The following PPP1R14C variants were observed in gnomAD, a reference collection of about 807,000 sequenced individuals.
PPP1R14C encodes the protein protein phosphatase 1 regulatory inhibitor subunit 14C.
Under a neutral mutation model 20.4 loss-of-function variants are expected in PPP1R14C, and 16 were observed. That is an observed-to-expected ratio of 0.78 (90% CI 0.53 to 1.19). The LOEUF (loss-of-function observed/expected upper bound fraction) is 1.19, where lower values mean the gene tolerates loss of function less well. PPP1R14C is among the 50% of genes most tolerant of loss of function. The pLI, the probability that PPP1R14C is intolerant of heterozygous loss-of-function variation, is 0.00. For synonymous variants in PPP1R14C, 91 were observed against 91.0 expected (o/e 1.00, Z 0.00); for missense variants, 211 against 220.1 (o/e 0.96, Z 0.26).
chr6:150,214,566 G>T (rs926930), intron 1 of PPP1R14C, among the ~76,000 whole-genome samples, 178 bp from the exon 2 acceptor site: 10,486 of 144,862 alleles, frequency 0.072, 430 homozygotes, highest in East Asian at 0.17. Flanking sequence ...CCTTCATCCT[G>T]TTTCCCCTTT....
rs538748783 is a variant in PPP1R14C at position 150,250,308 on chromosome 6, C to G, written c.*1488C>G. Reference sequence around the variant, plus strand: ...ATGTATTTAATTTTGTATTGTTTACCAATGATTTATTTACAAGATATTTAC... The same window carrying G: ...ATGTATTTAATTTTGTATTGTTTACGAATGATTTATTTACAAGATATTTAC... On this transcript the variant is annotated 3_prime_UTR_variant, in exon 4 of 4. Coordinates refer to ENST00000361131, the MANE Select transcript of PPP1R14C (RefSeq NM_030949.3). 1 of 152,626 alleles carries G rather than the reference C, an allele frequency of 6.6e-6. No homozygotes were observed. Among genetic ancestry groups the G allele is most frequent in the East Asian group, 1.9e-4 (1 of 5,192 alleles). The allele number at this position is 152,626 out of a possible 1,614,324, so 9.5% of individuals were successfully genotyped here.
At chr6:150,209,574 ATGTT>A (rs1162403527) in intron 1 of PPP1R14C, among the ~76,000 whole-genome samples, 5 of 134,956 alleles carry the variant, frequency 3.7e-5, no homozygotes, top group African/African-American at 1.4e-4. Flanking sequence ...ATCTGTGTGT[ATGTT>A]TGTGTATATA....
rs186520059 is a variant in PPP1R14C at position 150,143,511 on chromosome 6, G to A, written c.306+13G>A. ...CTACGGCTGCGAGGTACCTGGGCGC[G>A]GGGCTGGGAGGGTCGGGGACCTCTC... is the stretch of plus-strand genomic sequence containing the variant. On this transcript the variant is annotated intron_variant, in intron 1 of 3. Transcript: ENST00000361131. This position sits in a 1 kb window ranked among gnomAD's most constrained non-coding sequence, Gnocchi z 5.6. 1.4e-4 allele frequency: 209 copies of A among 1,510,248 alleles called. No homozygotes were observed. Among genetic ancestry groups the A allele is most frequent in the East Asian group, 1.7e-4 (7 of 40,752 alleles). The allele number at this position is 1,510,248 out of a possible 1,614,324, so 93.6% of individuals were successfully genotyped here. A position where few individuals can be genotyped will look rare whatever the true frequency, so the allele number is the denominator to read the frequency against.
chr6:150,226,403 T>C (rs1778230744), intron 3 of PPP1R14C, among the ~76,000 whole-genome samples: 1 of 152,214 alleles, frequency 6.6e-6, no homozygotes, highest in Non-Finnish European at 1.5e-5. Context: ...GTTAGCCTAG[T>C]GGACATGGTA....
chr6:150,221,077 C>T (rs1431276320), intron 3 of PPP1R14C, among the ~76,000 whole-genome samples: 3 of 152,136 alleles, frequency 2.0e-5, no homozygotes, highest in South Asian at 4.1e-4. Context: ...TATCTGTTAA[C>T]GGGTCATTTC....
At chr6:150,236,302 C>T (rs1179088694) in intron 3 of PPP1R14C, among the ~76,000 whole-genome samples, 1 of 152,120 alleles carries the variant, frequency 6.6e-6, no homozygotes, top group African/African-American at 2.4e-5. Context: ...GAGTCCCTGA[C>T]AGATACTCAG....
chr6:150,149,299 A>ATGTGTGTGTGTG lies in PPP1R14C; in HGVS notation c.306+5815_306+5826dup, dbSNP rs141854673. On this transcript the variant is annotated intron_variant, in intron 1 of 3. Transcript: ENST00000361131. ...TCTGAGCCTCACTTTCTCCATACATATGTGTGTGTGTGTGTGTGTGTGTGT... is the reference window on the plus strand; with the variant it reads ...TCTGAGCCTCACTTTCTCCATACATATGTGTGTGTGTGTGTGTGTGTGTGTGTGTGTGTGTGT... Among the ~76,000 whole-genome samples, 336 of 147,442 alleles carry ATGTGTGTGTGTG rather than the reference A, an allele frequency of 2.3e-3. 1 individual carries two copies. Among genetic ancestry groups the ATGTGTGTGTGTG allele is most frequent in the African/African-American group, 7.4e-3 (296 of 39,998 alleles).
chr6:150,232,882 T>G (rs1464150037), intron 3 of PPP1R14C, among the ~76,000 whole-genome samples: 3 of 152,264 alleles, frequency 2.0e-5, no homozygotes, highest in African/African-American at 7.2e-5. Flanking sequence ...AGAATTGCAT[T>G]AAATTTATAG....
At chr6:150,213,235 C>G (rs1290399798) in intron 1 of PPP1R14C, among the ~76,000 whole-genome samples, 1 of 152,132 alleles carries the variant, frequency 6.6e-6, no homozygotes, top group African/African-American at 2.4e-5. Context: ...GAGGTTGTTT[C>G]TGGAATTTTC....
At chr6:150,218,194 G>C (rs909273805) in intron 3 of PPP1R14C, among the ~76,000 whole-genome samples, 1 of 152,116 alleles carries the variant, frequency 6.6e-6, no homozygotes, top group East Asian at 1.9e-4. Flanking sequence ...ACGAGGTCAG[G>C]AGATCGAGGC....
chr6:150,192,748 G>A (rs767182433), intron 1 of PPP1R14C, among the ~76,000 whole-genome samples: 8 of 152,200 alleles, frequency 5.3e-5, no homozygotes, highest in South Asian at 2.1e-4. Context: ...TTACACAGCC[G>A]GAGTCAGATG....
At chr6:150,212,621 GT>G (rs767868485) in intron 1 of PPP1R14C, among the ~76,000 whole-genome samples, 1 of 152,194 alleles carries the variant, frequency 6.6e-6, no homozygotes, top group Non-Finnish European at 1.5e-5. Context: ...TCCCTTAGCT[GT>G]GATTTAAGGA....
chr6:150,179,137 G>A (rs1777593428), intron 1 of PPP1R14C, among the ~76,000 whole-genome samples: 1 of 152,140 alleles, frequency 6.6e-6, no homozygotes, highest in Non-Finnish European at 1.5e-5. Context: ...CAAGCATGGT[G>A]GCTCATACCT....
intron 1 of PPP1R14C, among the ~76,000 whole-genome samples, chr6:150,182,667 C>T (rs970236163): frequency 5.3e-5 from 8 of 152,138 alleles, no homozygotes; most frequent in East Asian, 1.9e-4. Flanking sequence ...TACCTTATAA[C>T]GTTATTGTGA....
chr6:150,205,567 C>T (rs757992125), intron 1 of PPP1R14C, among the ~76,000 whole-genome samples: 1 of 151,836 alleles, frequency 6.6e-6, no homozygotes, highest in Non-Finnish European at 1.5e-5. Flanking sequence ...CTGAGGTGGG[C>T]GGATCACTTG....
intron 3 of PPP1R14C, among the ~76,000 whole-genome samples, chr6:150,222,117 G>A (rs961051604): frequency 1.6e-5 from 2 of 128,836 alleles, no homozygotes; most frequent in African/African-American, 7.5e-5. Context: ...TAATTTTAGT[G>A]GTGGTAACGA....
intron 1 of PPP1R14C, among the ~76,000 whole-genome samples, chr6:150,163,548 C>T (rs79837598): frequency 0.011 from 1,713 of 152,274 alleles, 14 homozygotes; most frequent in Non-Finnish European, 0.015. Flanking sequence ...AGGGGTCCCT[C>T]GTGTGTGCTT....
intron 3 of PPP1R14C, among the ~76,000 whole-genome samples, chr6:150,243,122 C>A (rs943909352): frequency 6.6e-6 from 1 of 151,252 alleles, no homozygotes; most frequent in African/African-American, 2.4e-5. Flanking sequence ...AGATTTAAGG[C>A]AATCTCAGTC....
chr6:150,241,587 G>C (rs1260998266), intron 3 of PPP1R14C, among the ~76,000 whole-genome samples: 4 of 152,072 alleles, frequency 2.6e-5, no homozygotes, highest in Admixed American at 2.6e-4. Context: ...CCAGCTCCAG[G>C]TAAATAGTGT....
Sources: gnomAD v4.1 joint callset for allele counts (sites outside exome capture counted in the v4.1 genomes callset) on GRCh38, gnomAD v4.1.1 for gene constraint, Gnocchi (gnomAD v3.1) non-coding constraint, MANE v1.5 for transcripts, NCBI Gene and HGNC (gene_info 2026-07-23, HGNC 2026-07-21) for gene names.